DHRSX: variants seen among roughly 807,000 people sequenced by gnomAD.
DHRSX encodes dehydrogenase/reductase X-linked.
Under a neutral mutation model 34.0 loss-of-function variants are expected in DHRSX, and 31 were observed. The observed-to-expected ratio is 0.91, with a 90% CI of 0.69 to 1.23. DHRSX has a LOEUF of 1.23. Among genes scored for constraint, DHRSX ranks in the 50% most tolerant of loss-of-function variants. The pLI is 0.00. For missense variants in DHRSX, 414 were observed against 428.1 expected (o/e 0.97, Z 0.29); for synonymous variants, 201 against 183.8 (o/e 1.09, Z -0.76).
At chrX:2,369,724 G>C (rs1314526296) in intron 3 of DHRSX, among the ~76,000 whole-genome samples, 2 of 151,744 alleles carry the variant, frequency 1.3e-5, no homozygotes, top group Admixed American at 6.6e-5. Context: ...GGCTGGTCTC[G>C]AACACCTGAC....
chrX:2,461,453 C>T (rs2044400760), intron 1 of DHRSX, among the ~76,000 whole-genome samples: 2 of 152,258 alleles, frequency 1.3e-5, no homozygotes, highest in African/African-American at 2.4e-5. Flanking sequence ...TAAGATAACG[C>T]ACAACCTACT....
chrX:2,326,873 G>A (rs1221666825), intron 3 of DHRSX, among the ~76,000 whole-genome samples: 4 of 150,826 alleles, frequency 2.7e-5, no homozygotes, highest in South Asian at 4.2e-4. Context: ...GTATAATGGC[G>A]CAATCTCGGC....
intron 3 of DHRSX, among the ~76,000 whole-genome samples, chrX:2,300,845 CT>C (rs1192959419): frequency 6.6e-6 from 1 of 152,150 alleles, no homozygotes; most frequent in Non-Finnish European, 1.5e-5. Flanking sequence ...CCCTCACCCC[CT>C]ATATCTATCA....
intron 2 of DHRSX, among the ~76,000 whole-genome samples, chrX:2,418,435 T>A (rs1447980048): frequency 6.6e-6 from 1 of 152,148 alleles, no homozygotes; most frequent in Non-Finnish European, 1.5e-5. Flanking sequence ...CAACTAGACC[T>A]CATCATGACC....
In DHRSX at chrX:2,220,682, T is replaced by C. The variant is rs147896365; in HGVS notation, c.*359A>G. 0.018 allele frequency: 4,136 copies of C among 235,434 alleles called. 159 individuals are homozygous for C. The highest frequency in any genetic ancestry group is 0.085 in the African/African-American group (3,822 of 45,016). The allele number at this position is 235,434 out of a possible 1,614,324, so 14.6% of individuals were successfully genotyped here. ...CCACCACTAGGTCTCAGAGAGGACATTGCAGCCCCTGAAAAGAGAGCATCT... is the reference window on the plus strand; with the variant it reads ...CCACCACTAGGTCTCAGAGAGGACACTGCAGCCCCTGAAAAGAGAGCATCT... On this transcript the variant is annotated 3_prime_UTR_variant, in exon 7 of 7. Coordinates refer to ENST00000334651, the MANE Select transcript of DHRSX (RefSeq NM_145177.3).
At chrX:2,350,220 G>A (rs193245628) in intron 3 of DHRSX, among the ~76,000 whole-genome samples, 97 of 150,930 alleles carry the variant, frequency 6.4e-4, no homozygotes, top group African/African-American at 2.1e-3. Flanking sequence ...GCATGGTGGC[G>A]GGTGCCTGTA....
chrX:2,304,727 C>G (rs952625909), intron 3 of DHRSX, among the ~76,000 whole-genome samples: 2 of 151,904 alleles, frequency 1.3e-5, no homozygotes, highest in Non-Finnish European at 2.9e-5. Flanking sequence ...TGCTCTGCTT[C>G]CCGTACAGCC....
At chrX:2,331,770 AG>A (rs1267517613) in intron 3 of DHRSX, among the ~76,000 whole-genome samples, 3 of 152,042 alleles carry the variant, frequency 2.0e-5, no homozygotes, top group African/African-American at 7.2e-5. Flanking sequence ...TTTTGAAAAA[AG>A]TTCTACTCTG....
chrX:2,331,442 T>TTTTTTG (rs1424554742), intron 3 of DHRSX, among the ~76,000 whole-genome samples: 30 of 68,590 alleles, frequency 4.4e-4, no homozygotes, highest in Non-Finnish European at 7.8e-4. Flanking sequence ...TTTGGTTTTT[T>TTTTTTG]TTTTTTTTTT....
intron 4 of DHRSX, among the ~76,000 whole-genome samples, chrX:2,286,973 G>T (rs969077269): frequency 5.9e-5 from 9 of 152,182 alleles, no homozygotes; most frequent in African/African-American, 2.2e-4. Flanking sequence ...TGTGACTTGG[G>T]GTGCAATCTT....
chrX:2,260,459 CATT>C (rs2041348513), intron 5 of DHRSX, among the ~76,000 whole-genome samples: 3 of 138,876 alleles, frequency 2.2e-5, no homozygotes, highest in Admixed American at 6.8e-5. Flanking sequence ...TTTTCTACTT[CATT>C]TTTTTTTTTT....
At chrX:2,389,079 C>T (rs1261649238) in intron 3 of DHRSX, among the ~76,000 whole-genome samples, 8 of 152,206 alleles carry the variant, frequency 5.3e-5, no homozygotes, top group African/African-American at 1.2e-4. Flanking sequence ...CTGTAACACT[C>T]GGCAACGCTA....
At chrX:2,419,902 G>C (rs1033664844) in intron 2 of DHRSX, among the ~76,000 whole-genome samples, 1 of 151,716 alleles carries the variant, frequency 6.6e-6, no homozygotes, top group Non-Finnish European at 1.5e-5. Context: ...ACACCAGCAT[G>C]GCACATGTAT....
chrX:2,393,986 C>T (rs2043377233), intron 3 of DHRSX, among the ~76,000 whole-genome samples: 1 of 152,214 alleles, frequency 6.6e-6, no homozygotes. Flanking sequence ...GACGCGTGTC[C>T]ATGGTAGGAT....
At chrX:2,452,275 A>T (rs1215562260) in intron 1 of DHRSX, among the ~76,000 whole-genome samples, 1 of 151,778 alleles carries the variant, frequency 6.6e-6, no homozygotes, top group Non-Finnish European at 1.5e-5. Flanking sequence ...GCAGGTGGCT[A>T]AGGGACCACC....
chrX:2,417,993 A>G (rs979857574), intron 2 of DHRSX, among the ~76,000 whole-genome samples: 1 of 151,844 alleles, frequency 6.6e-6, no homozygotes, highest in Non-Finnish European at 1.5e-5. Context: ...TGGCCTACCC[A>G]ACTAGACCTC....
intron 3 of DHRSX, among the ~76,000 whole-genome samples, chrX:2,390,387 C>T (rs1489915173): frequency 1.3e-5 from 2 of 151,980 alleles, no homozygotes; most frequent in African/African-American, 4.8e-5. Flanking sequence ...ATCCACCCGC[C>T]TCGGCCTCCC....
intron 1 of DHRSX, among the ~76,000 whole-genome samples, chrX:2,432,742 C>T (rs1444196895): frequency 6.6e-6 from 1 of 152,152 alleles, no homozygotes; most frequent in Middle Eastern, 3.2e-3. Context: ...AAGCAGGAAT[C>T]ATTAGTTTAA....
At chrX:2,478,499 T>C (rs968931881) in intron 1 of DHRSX, among the ~76,000 whole-genome samples, 3 of 121,740 alleles carry the variant, frequency 2.5e-5, no homozygotes, top group African/African-American at 1.0e-4. Context: ...GCCAAGGGAC[T>C]GCACTAAAGA....
Sources: gnomAD v4.1 joint callset for allele counts (sites outside exome capture counted in the v4.1 genomes callset) on GRCh38, gnomAD v4.1.1 for gene constraint, MANE v1.5 for transcripts, NCBI Gene and HGNC (gene_info 2026-07-23, HGNC 2026-07-21) for gene names.